Variants in COLQ observed in about 807,000 individuals in gnomAD.
COLQ encodes acetylcholinesterase collagenic tail peptide.
A neutral mutation model predicts 69.0 loss-of-function variants in COLQ; 48 were observed. The observed-to-expected ratio is 0.70, with a 90% CI of 0.55 to 0.88. The LOEUF (loss-of-function observed/expected upper bound fraction) is 0.88, where lower values mean the gene tolerates loss of function less well. Among genes scored for constraint, COLQ ranks in the 40% least tolerant of loss-of-function variants. COLQ has a pLI of 0.00. For synonymous variants in COLQ, 217 were observed against 211.2 expected (o/e 1.03, Z -0.24); for missense variants, 618 against 594.6 (o/e 1.04, Z -0.41).
intron 2 of COLQ, among the ~76,000 whole-genome samples, chr3:15,488,902 A>G (rs1263061788): frequency 6.6e-6 from 1 of 152,242 alleles, no homozygotes; most frequent in African/African-American, 2.4e-5. Flanking sequence ...CCAGATAGCT[A>G]CATATGGCTA....
intron 8 of COLQ, 122 bp downstream of exon 8, chr3:15,474,803 C>G: frequency 8.5e-7 from 1 of 1,170,056 alleles, no homozygotes; most frequent in Non-Finnish European, 1.3e-6. Flanking sequence ...TGGGGAATAG[C>G]TAGGGATGGT....
chr3:15,520,824 C>T (rs964433934), intron 1 of COLQ, among the ~76,000 whole-genome samples: 7 of 152,214 alleles, frequency 4.6e-5, no homozygotes, highest in Non-Finnish European at 7.3e-5. Context: ...GCCTCATACC[C>T]GGCAGACACA....
At chr3:15,469,852 A>G (rs1000529852) in intron 11 of COLQ, among the ~76,000 whole-genome samples, 7 of 152,192 alleles carry the variant, frequency 4.6e-5, no homozygotes, top group Non-Finnish European at 7.3e-5. Flanking sequence ...TTGATGTAAG[A>G]TTAAGTTTGT....
intron 5 of COLQ, 58 bp from the exon 6 acceptor site, chr3:15,477,255 A>C: frequency 6.8e-7 from 1 of 1,481,368 alleles, no homozygotes; most frequent in Non-Finnish European, 9.3e-7. Context: ...ACTTCTAATA[A>C]ATATGTTTTG....
At chr3:15,512,684 C>T (rs1042336317) in intron 1 of COLQ, among the ~76,000 whole-genome samples, 2 of 150,086 alleles carry the variant, frequency 1.3e-5, no homozygotes, top group Non-Finnish European at 3.0e-5. Context: ...TGTGTAGAGA[C>T]ACCAAGAGGT....
intron 16 of COLQ, among the ~76,000 whole-genome samples, chr3:15,452,461 C>T (rs145076747): frequency 2.4e-4 from 37 of 152,314 alleles, no homozygotes; most frequent in African/African-American, 5.5e-4. Flanking sequence ...CAGTTTATAC[C>T]TCTGTAGGCC....
Position 15,451,390 on chromosome 3 carries a change from ATGG to A in COLQ, c.*251_*253del, listed in dbSNP as rs961030929. ...GCATTGTAGCCGGTTGTTTGGCCAA[ATGG>A]TAGCGATGGGGAACAGGTCTCAGGT... On this transcript the variant is annotated 3_prime_UTR_variant, in exon 17 of 17. Coordinates refer to ENST00000383788, the MANE Select transcript of COLQ (RefSeq NM_005677.4). The A allele has an allele frequency of 3.1e-6, 2 of 641,260 alleles. No individual in the cohort carries two copies. The highest frequency in any genetic ancestry group is 3.6e-5 in the African/African-American group (2 of 55,092). The allele number at this position is 641,260 out of a possible 1,614,324, so 39.7% of individuals were successfully genotyped here. A position where few individuals can be genotyped will look rare whatever the true frequency, so the allele number is the denominator to read the frequency against.
chr3:15,470,584 T>G lies in COLQ; in HGVS notation c.669A>C (p.Ile223=), dbSNP rs781736167. 3 of 1,614,054 alleles carry G rather than the reference T, an allele frequency of 1.9e-6. No individual in the cohort carries two copies. Among genetic ancestry groups the G allele is most frequent in the Non-Finnish European group, 2.5e-6 (3 of 1,180,022 alleles). The stretch of plus-strand genomic sequence containing the variant: ...TTCCTGTGGGTCCTCGGTGTCCTGC[T>G]ATCCCAGGTTCACCTTTTGGACCCA... ...GEMGPKGEPG[I]AGHRGPTGRP... is the part of the protein sequence containing the mutation. Residue 223 remains isoleucine, a synonymous_variant, in exon 11 of 17, where the codon ATA becomes ATC. Transcript: ENST00000383788.
chr3:15,478,716 GA>G (rs1050266863), intron 5 of COLQ: 7 of 589,054 alleles, frequency 1.2e-5, no homozygotes, highest in African/African-American at 1.9e-5. Flanking sequence ...CGGGAAGTGA[GA>G]GGGGTGGAAT....
chr3:15,501,662 T>A (rs2062833419), intron 1 of COLQ, among the ~76,000 whole-genome samples: 1 of 152,218 alleles, frequency 6.6e-6, no homozygotes. Flanking sequence ...AACGTGGGCT[T>A]CTGTGTCCAT....
At position 15,479,000 on chromosome 3, in the gene COLQ, C is replaced by A; in HGVS notation, c.370G>T (p.Glu124Ter). 1 of 1,614,170 alleles carries A rather than the reference C, an allele frequency of 6.2e-7. No individual in the cohort carries two copies. The highest frequency in any genetic ancestry group is 2.2e-5 in the East Asian group (1 of 44,882). Reference protein sequence around the residue: ...GKTGPKGEKGELGRPGRKGRP... With the variant: ...GKTGPKGEKG Reference sequence around the variant, plus strand: ...ACCTTCCTTCCTGGTCGGCCAAGCTCCCCCTATGGATGGAGAAGACAGGTA... The same window carrying A: ...ACCTTCCTTCCTGGTCGGCCAAGCTACCCCTATGGATGGAGAAGACAGGTA... Residue 124 changes from glutamate (E) to a stop codon, truncating the protein, a stop_gained, in exon 5 of 17, where the codon GAG (glutamate) becomes TAG (stop). Transcript: ENST00000383788. LOFTEE classifies it high-confidence loss of function.
At chr3:15,481,453 C>T (rs1232190743) in intron 3 of COLQ, among the ~76,000 whole-genome samples, 1 of 152,198 alleles carries the variant, frequency 6.6e-6, no homozygotes, top group Non-Finnish European at 1.5e-5. Flanking sequence ...TTTCCCAGCA[C>T]CATTTATTAA....
chr3:15,479,480 C>G (rs758018976), intron 3 of COLQ, 98 bp from the exon 4 acceptor site: 13 of 1,201,214 alleles, frequency 1.1e-5, no homozygotes, highest in Non-Finnish European at 1.6e-5. Flanking sequence ...GCAGCAACAT[C>G]ATTCTCTGGG....
intron 1 of COLQ, among the ~76,000 whole-genome samples, chr3:15,517,170 G>A (rs1165689663): frequency 6.6e-6 from 1 of 151,976 alleles, no homozygotes; most frequent in Non-Finnish European, 1.5e-5. Flanking sequence ...AGAATCCAGA[G>A]GAGAGTTTCC....
chr3:15,495,854 C>A (rs1046921034), intron 1 of COLQ, among the ~76,000 whole-genome samples: 4 of 152,194 alleles, frequency 2.6e-5, no homozygotes, highest in African/African-American at 7.2e-5. Context: ...AGGAGGCTGG[C>A]AGGTTCACAC....
rs533934622 is a variant in COLQ, at chr3:15,475,777, C to T, written c.466-290G>A. On this transcript the variant is annotated intron_variant, in intron 6 of 16. Coordinates refer to ENST00000383788, the MANE Select transcript of COLQ (RefSeq NM_005677.4). ...ATGGTAATACTTGGTATTTTCCTAGCGAGGATAGTGAGAGAGTAGTGGAGG... is the reference window on the plus strand; with the variant it reads ...ATGGTAATACTTGGTATTTTCCTAGTGAGGATAGTGAGAGAGTAGTGGAGG... Among the ~76,000 whole-genome samples the T allele has an allele frequency of 8.5e-5, 13 of 152,224 alleles. No individual in the cohort carries two copies. In the South Asian group the frequency reaches 1.9e-3, roughly 22 times the overall value.
intron 1 of COLQ, among the ~76,000 whole-genome samples, chr3:15,515,940 C>T (rs1339926612): frequency 6.6e-6 from 1 of 152,174 alleles, no homozygotes; most frequent in Non-Finnish European, 1.5e-5. Context: ...GCAGTGGTGG[C>T]TGTGGATCTG....
intron 13 of COLQ, among the ~76,000 whole-genome samples, chr3:15,457,125 C>T (rs2062037564): frequency 6.6e-6 from 1 of 151,738 alleles, no homozygotes; most frequent in Admixed American, 6.6e-5. Context: ...CGCCCGGCCT[C>T]GGATTTAACA....
Position 15,477,180 on chromosome 3 carries a change from T to G in COLQ, c.411A>C (p.Pro137=). The change falls in exon 6 of 17, where the codon CCA becomes CCC. Residue 137 remains proline, a synonymous_variant. Coordinates refer to ENST00000383788, the MANE Select transcript of COLQ (RefSeq NM_005677.4). The part of the protein sequence containing the change: ...RPGRKGRPGP[P]GVPGMPGPIG... ...TGGGCCCAGGCATGCCAGGAACACC[T>G]GGGGGGCCAGGTCTACCCTTCAAAG... 6.2e-7 allele frequency: 1 copy of G among 1,606,368 alleles called. No individual in the cohort carries two copies. Among genetic ancestry groups the G allele is most frequent in the Non-Finnish European group, 8.5e-7 (1 of 1,176,854 alleles).
Sources: gnomAD v4.1 joint callset for allele counts (sites outside exome capture counted in the v4.1 genomes callset) on GRCh38, gnomAD v4.1.1 for gene constraint, MANE v1.5 for transcripts, NCBI Gene and HGNC (gene_info 2026-07-23, HGNC 2026-07-21) for gene names.